P2RY14: variants seen among roughly 807,000 people sequenced by gnomAD.
P2RY14 encodes the protein purinergic receptor P2Y14.
In P2RY14, 2 loss-of-function variants were observed where a neutral mutation model predicts 0.9. The observed-to-expected ratio is 2.16, with a 90% CI of 0.88 to 6.79. The LOEUF (loss-of-function observed/expected upper bound fraction) is 6.79, where lower values mean the gene tolerates loss of function less well. P2RY14 is among the 30% of genes most tolerant of loss of function. The pLI, the probability that P2RY14 is intolerant of heterozygous loss-of-function variation, is 0.05. For missense variants in P2RY14, 378 were observed against 400.1 expected, an observed-to-expected ratio of 0.94 and a Z score of 0.47; for synonymous variants, 158 against 147.2, an observed-to-expected ratio of 1.07 and a Z score of -0.53.
chr3:151,218,456 T>A (rs1460018088), intron 2 of P2RY14, among the ~76,000 whole-genome samples: 1 of 152,236 alleles, frequency 6.6e-6, no homozygotes, highest in Non-Finnish European at 1.5e-5. Flanking sequence ...TATCACTGAA[T>A]TTCTGCTGTG....
chr3:151,270,087 T>TGAA (rs1740608173), intron 1 of P2RY14: 1 of 219,450 alleles, frequency 4.6e-6, no homozygotes, highest in African/African-American at 2.4e-5. Context: ...AAGATGAAGA[T>TGAA]GATGATGAAA....
chr3:151,256,820 T>G (rs1376648147), intron 1 of P2RY14, among the ~76,000 whole-genome samples: 1 of 151,886 alleles, frequency 6.6e-6, no homozygotes, highest in Non-Finnish European at 1.5e-5. Context: ...AGTCTGTTTT[T>G]TTTTTTTTCT....
chr3:151,233,955 T>C (rs1732232310), intron 1 of P2RY14, among the ~76,000 whole-genome samples: 1 of 152,260 alleles, frequency 6.6e-6, no homozygotes, highest in Non-Finnish European at 1.5e-5. Flanking sequence ...TGTAATCTTT[T>C]AGGACTTTAA....
At chr3:151,258,560 G>A (rs1157190721) in intron 1 of P2RY14, among the ~76,000 whole-genome samples, 1 of 152,112 alleles carries the variant, frequency 6.6e-6, no homozygotes, top group Non-Finnish European at 1.5e-5. Context: ...GGGCTGTGGT[G>A]CATCCTGAGG....
At position 151,254,072 on chromosome 3, in the gene P2RY14, T is replaced by A. The variant is rs568061342; in HGVS notation, c.-133+24215A>T. ...CATTTGTGTACTTTAAGAAACAATT[T>A]AAAAAAACATATAATGAAAAAAATA... On this transcript the variant is annotated intron_variant, in intron 1 of 2. Coordinates refer to ENST00000309170, the MANE Select transcript of P2RY14 (RefSeq NM_014879.4). Among the ~76,000 whole-genome samples, 3 of 151,988 alleles carry A rather than the reference T, an allele frequency of 2.0e-5. No homozygotes were observed. The South Asian group carries it at 6.2e-4, about 32-fold the overall frequency.
intron 1 of P2RY14, among the ~76,000 whole-genome samples, chr3:151,252,688 C>T (rs1167433450): frequency 2.0e-5 from 3 of 152,030 alleles, no homozygotes; most frequent in African/African-American, 7.2e-5. Flanking sequence ...TTTTTGAAGG[C>T]TTATGATGCA....
At chr3:151,229,099 G>A (rs1478810682) in intron 1 of P2RY14, among the ~76,000 whole-genome samples, 1 of 152,162 alleles carries the variant, frequency 6.6e-6, no homozygotes, top group Non-Finnish European at 1.5e-5. Flanking sequence ...GTTTGTTCAA[G>A]ATTCAGGCTT....
chr3:151,227,693 G>A (rs569464292), intron 1 of P2RY14, among the ~76,000 whole-genome samples: 29 of 152,260 alleles, frequency 1.9e-4, no homozygotes, highest in Admixed American at 5.2e-4. Flanking sequence ...GCAAACTGGG[G>A]GCCAGGAAAA....
At chr3:151,220,211 A>C (rs1729073935) in intron 1 of P2RY14, among the ~76,000 whole-genome samples, 1 of 151,234 alleles carries the variant, frequency 6.6e-6, no homozygotes, top group African/African-American at 2.4e-5. Context: ...AATTGCCCTC[A>C]TTTGATTACC....
intron 1 of P2RY14, among the ~76,000 whole-genome samples, chr3:151,257,173 G>T (rs1168521112): frequency 2.6e-5 from 4 of 152,152 alleles, no homozygotes; most frequent in African/African-American, 9.6e-5. Context: ...AAGTGACCTC[G>T]CCTGGAAAGC....
At chr3:151,256,531 A>T (rs542884333) in intron 1 of P2RY14, among the ~76,000 whole-genome samples, 1 of 152,286 alleles carries the variant, frequency 6.6e-6, no homozygotes, top group Admixed American at 6.5e-5. Context: ...CTTGTCAACC[A>T]CAGAAATTAG....
chr3:151,252,463 C>T (rs1469717983), intron 1 of P2RY14, among the ~76,000 whole-genome samples: 2 of 152,038 alleles, frequency 1.3e-5, no homozygotes, highest in Non-Finnish European at 2.9e-5. Flanking sequence ...ATTGGGTGAG[C>T]TGTTGAGAGC....
intron 1 of P2RY14, among the ~76,000 whole-genome samples, chr3:151,227,582 A>G (rs16863273): frequency 0.011 from 1,731 of 152,324 alleles, 26 homozygotes; most frequent in Admixed American, 0.036. Flanking sequence ...TCACTTTGTG[A>G]TTATGCAAAT....
chr3:151,259,142 G>A (rs1738396249), intron 1 of P2RY14, among the ~76,000 whole-genome samples: 1 of 152,174 alleles, frequency 6.6e-6, no homozygotes, highest in Non-Finnish European at 1.5e-5. Context: ...GTTCACCTAA[G>A]GTGGTGCCTC....
At chr3:151,252,756 A>G (rs990565543) in intron 1 of P2RY14, among the ~76,000 whole-genome samples, 2 of 152,148 alleles carry the variant, frequency 1.3e-5, no homozygotes, top group African/African-American at 4.8e-5. Context: ...AGGTTTGTTC[A>G]TATGTAATCT....
intron 1 of P2RY14, among the ~76,000 whole-genome samples, chr3:151,273,370 G>A (rs1374673455): frequency 1.3e-5 from 2 of 149,566 alleles, no homozygotes; most frequent in Non-Finnish European, 3.0e-5. Context: ...TGGGATTACA[G>A]GCACACACCA....
At chr3:151,266,784 G>T (rs1304823304) in intron 1 of P2RY14, among the ~76,000 whole-genome samples, 1 of 152,154 alleles carries the variant, frequency 6.6e-6, no homozygotes, top group Non-Finnish European at 1.5e-5. Flanking sequence ...TAAGAAGAAA[G>T]ACTAAGGTCA....
intron 1 of P2RY14, among the ~76,000 whole-genome samples, chr3:151,220,267 T>G (rs940194254): frequency 6.6e-6 from 1 of 151,854 alleles, no homozygotes; most frequent in African/African-American, 2.4e-5. Context: ...AGATAACACC[T>G]GAAAGCCATG....
chr3:151,270,162 TA>T (rs1366233599), intron 1 of P2RY14: 1 of 208,376 alleles, frequency 4.8e-6, no homozygotes, highest in Non-Finnish European at 9.4e-6. Flanking sequence ...CCAACCTTTT[TA>T]AAAATTTTCT....
Sources: gnomAD v4.1 joint callset for allele counts (sites outside exome capture counted in the v4.1 genomes callset) on GRCh38, gnomAD v4.1.1 for gene constraint, MANE v1.5 for transcripts, NCBI Gene and HGNC (gene_info 2026-07-23, HGNC 2026-07-21) for gene names.